The following FGF12 variants were observed in gnomAD, a reference collection of about 807,000 sequenced individuals.
FGF12 encodes the protein fibroblast growth factor 12.
In FGF12, 14 loss-of-function variants were observed where a neutral mutation model predicts 23.6. The ratio of observed to expected loss-of-function variants is 0.59; its 90% confidence interval spans 0.39 to 0.93. The LOEUF (loss-of-function observed/expected upper bound fraction) is 0.93, where lower values mean the gene tolerates loss of function less well. Ranked by LOEUF, FGF12 falls within the 40% of genes least tolerant of loss-of-function variation. The pLI is 0.00. For synonymous variants in FGF12, 62 were observed against 77.3 expected (o/e 0.80, Z 1.04); for missense variants, 175 against 217.8 (o/e 0.80, Z 1.24).
intron 4 of FGF12, among the ~76,000 whole-genome samples, chr3:192,277,352 T>C (rs1317521157): frequency 1.3e-5 from 2 of 152,184 alleles, no homozygotes; most frequent in East Asian, 1.9e-4. Context: ...AAAACACTTA[T>C]TACTTTTATT....
chr3:192,174,485 G>A (rs944926034), intron 4 of FGF12, among the ~76,000 whole-genome samples: 1 of 152,144 alleles, frequency 6.6e-6, no homozygotes, highest in Non-Finnish European at 1.5e-5. Context: ...ACCTGACCAG[G>A]GCAAGACATT....
At chr3:192,282,304 C>CTGAA (rs1462073133) in intron 4 of FGF12, among the ~76,000 whole-genome samples, 1 of 152,000 alleles carries the variant, frequency 6.6e-6, no homozygotes, top group Non-Finnish European at 1.5e-5. Flanking sequence ...ATGAACTTGG[C>CTGAA]TGAATGAATG....
At chr3:192,342,698 C>G (rs138268159) in intron 3 of FGF12, among the ~76,000 whole-genome samples, 383 of 152,158 alleles carry the variant, frequency 2.5e-3, no homozygotes, top group African/African-American at 8.8e-3. Context: ...ATAGCCTGCA[C>G]CCAGGAATTC....
intron 3 of FGF12, among the ~76,000 whole-genome samples, chr3:192,349,656 T>C (rs1718120190): frequency 6.6e-6 from 1 of 152,154 alleles, no homozygotes; most frequent in African/African-American, 2.4e-5. Context: ...CTTCTTTTAC[T>C]ATTATTGCTA....
At chr3:192,557,188 G>T (rs1711820065) in intron 2 of FGF12, among the ~76,000 whole-genome samples, 1 of 150,976 alleles carries the variant, frequency 6.6e-6, no homozygotes, top group Admixed American at 6.6e-5. Flanking sequence ...CCAAAAGAAA[G>T]GAAATAATCA....
intron 2 of FGF12, among the ~76,000 whole-genome samples, chr3:192,702,776 A>AAACAGGGC (rs1348157031): frequency 2.0e-5 from 3 of 152,198 alleles, no homozygotes; most frequent in Non-Finnish European, 2.9e-5. Context: ...TGAGCAAGGG[A>AAACAGGGC]AACAGGGCAA....
At chr3:192,293,897 C>A (rs1577326842) in intron 4 of FGF12, among the ~76,000 whole-genome samples, 1 of 152,076 alleles carries the variant, frequency 6.6e-6, no homozygotes, top group African/African-American at 2.4e-5. Context: ...TAAGTGCTTG[C>A]TCTTCTGGTC....
intron 2 of FGF12, among the ~76,000 whole-genome samples, chr3:192,487,431 A>G (rs781590341): frequency 2.6e-5 from 4 of 152,068 alleles, no homozygotes; most frequent in South Asian, 2.1e-4. Flanking sequence ...AACTTGTCCT[A>G]TCTCATTGCT....
chr3:192,651,433 G>C (rs575173606), intron 2 of FGF12, among the ~76,000 whole-genome samples: 1 of 152,120 alleles, frequency 6.6e-6, no homozygotes, highest in Non-Finnish European at 1.5e-5. Flanking sequence ...TGACGAGGGA[G>C]GTTAAGTGAT....
In FGF12 at chr3:192,442,641, G is replaced by C. The variant is rs370613526; in HGVS notation, c.14-82103C>G. Among the ~76,000 whole-genome samples, 9 of 152,294 alleles carry C rather than the reference G, an allele frequency of 5.9e-5. No homozygotes were observed. In the East Asian group the frequency reaches 1.2e-3, roughly 20 times the overall value. The stretch of plus-strand genomic sequence containing the variant: ...TGTGAATATCATCACACTGGTGTAT[G>C]TAATCAATTCTGAATTAACCTTCAG... On this transcript the variant is annotated intron_variant, in intron 2 of 5. Coordinates refer to ENST00000445105, the MANE Select transcript of FGF12 (RefSeq NM_004113.6).
At chr3:192,648,752 G>GA (rs1339679470) in intron 2 of FGF12, among the ~76,000 whole-genome samples, 3 of 152,044 alleles carry the variant, frequency 2.0e-5, no homozygotes, top group African/African-American at 7.2e-5. Flanking sequence ...AAAATAGAAG[G>GA]AAAAAAGACT....
At chr3:192,522,698 A>C (rs1724850599) in intron 2 of FGF12, among the ~76,000 whole-genome samples, 1 of 152,238 alleles carries the variant, frequency 6.6e-6, no homozygotes, top group Non-Finnish European at 1.5e-5. Context: ...AGTGATACTA[A>C]TCTATCAATA....
intron 2 of FGF12, among the ~76,000 whole-genome samples, chr3:192,567,176 G>A (rs771145386): frequency 6.6e-6 from 1 of 152,158 alleles, no homozygotes; most frequent in African/African-American, 2.4e-5. Flanking sequence ...TCAAAGGTGA[G>A]ACAAAGATCA....
rs183939058 is a variant in FGF12 at position 192,456,338 on chromosome 3, G to A, written c.14-95800C>T. Among the ~76,000 whole-genome samples the A allele has an allele frequency of 1.6e-3, 246 of 152,306 alleles. 1 individual carries two copies. Among genetic ancestry groups the A allele is most frequent in the African/African-American group, 5.5e-3 (227 of 41,572 alleles). On this transcript the variant is annotated intron_variant, in intron 2 of 5. Transcript: ENST00000445105. ...CCAAACTTGGAATTAAGAGGCAGAGGTCATCTGAGACTTAGAGATATCTTA... is the reference window on the plus strand; with the variant it reads ...CCAAACTTGGAATTAAGAGGCAGAGATCATCTGAGACTTAGAGATATCTTA...
intron 3 of FGF12, among the ~76,000 whole-genome samples, chr3:192,358,242 C>G (rs1193754357): frequency 6.6e-6 from 1 of 151,906 alleles, no homozygotes; most frequent in African/African-American, 2.4e-5. Context: ...GAAAACACAA[C>G]AAGAAGGTTA....
At chr3:192,630,836 G>A (rs1404783526) in intron 2 of FGF12, among the ~76,000 whole-genome samples, 3 of 152,040 alleles carry the variant, frequency 2.0e-5, no homozygotes, top group Non-Finnish European at 4.4e-5. Flanking sequence ...GGGATTACAG[G>A]CATGAGCCAC....
In FGF12 at chr3:192,335,437, A is replaced by AG. The variant is rs1357277015; in HGVS notation, c.151dup (p.Leu51ProfsTer12). 1 of 1,613,030 alleles carries AG rather than the reference A, an allele frequency of 6.2e-7. No individual in the cohort carries two copies. Among genetic ancestry groups the AG allele is most frequent in the Admixed American group, 1.7e-5 (1 of 59,868 alleles). ...CACTCCTTGGATGGCCACTACACGCAGGCCCACGGGAATTAGATTGAAGAG... is the reference window on the plus strand; with the variant it reads ...CACTCCTTGGATGGCCACTACACGCAGGGCCCACGGGAATTAGATTGAAGAG... On this transcript the variant is annotated frameshift_variant, in exon 4 of 6. Transcript: ENST00000445105. LOFTEE classifies it high-confidence loss of function.
At chr3:192,378,094 C>CTTTCT (rs1354979179) in intron 2 of FGF12, among the ~76,000 whole-genome samples, 19 of 67,136 alleles carry the variant, frequency 2.8e-4, no homozygotes, top group South Asian at 4.1e-4. Flanking sequence ...TTCTTTCTTT[C>CTTTCT]TTCTTTCTTT....
At chr3:192,413,429 T>C (rs575331339) in intron 2 of FGF12, among the ~76,000 whole-genome samples, 61 of 152,282 alleles carry the variant, frequency 4.0e-4, no homozygotes, top group African/African-American at 1.4e-3. Context: ...GCAAAATAGA[T>C]ACATAATAAT....
Sources: allele counts gnomAD v4.1 joint callset (sites outside exome capture counted in the v4.1 genomes callset), GRCh38; gene constraint gnomAD v4.1.1; transcripts MANE v1.5; gene names NCBI Gene and HGNC (gene_info 2026-07-23, HGNC 2026-07-21).